ATIC: variants seen among roughly 807,000 people sequenced by gnomAD.
ATIC encodes 5-aminoimidazole-4-carboxamide ribonucleotide formyltransferase/IMP cyclohydrolase.
Under a neutral mutation model 72.5 loss-of-function variants are expected in ATIC, and 64 were observed. The ratio of observed to expected loss-of-function variants is 0.88; its 90% CI spans 0.72 to 1.09. The LOEUF (loss-of-function observed/expected upper bound fraction) is 1.09, where lower values mean the gene tolerates loss of function less well. Among genes scored for constraint, ATIC ranks in the 50% least tolerant of loss-of-function variants. The pLI is 0.00. For synonymous variants in ATIC, 281 were observed against 267.1 expected, an observed-to-expected ratio of 1.05 and a Z score of -0.51; for missense variants, 787 against 732.4, an observed-to-expected ratio of 1.07 and a Z score of -0.86.
chr2:215,325,863 G>C, intron 5 of ATIC, 124 bp from the exon 6 acceptor site: 1 of 1,261,812 alleles, frequency 7.9e-7, no homozygotes, highest in Non-Finnish European at 1.1e-6. Flanking sequence ...ACTGCGCCCA[G>C]CTTATTTTCC....
At chr2:215,332,740 A>G (rs1247499375) in intron 8 of ATIC, among the ~76,000 whole-genome samples, 2 of 152,214 alleles carry the variant, frequency 1.3e-5, no homozygotes, top group African/African-American at 2.4e-5. Flanking sequence ...GTGGAACCAT[A>G]AAAGTTTAGA....
chr2:215,334,233 GC>G (rs2052930401), intron 9 of ATIC, among the ~76,000 whole-genome samples: 2 of 111,000 alleles, frequency 1.8e-5, no homozygotes, highest in South Asian at 6.5e-4. Flanking sequence ...TTGCTCTGTT[GC>G]CCAGGCTGGA....
Position 215,349,753 on chromosome 2 carries a change from T to A in ATIC, c.*98T>A. 2 of 1,594,992 alleles carry A rather than the reference T, an allele frequency of 1.3e-6. No individual in the cohort carries two copies. Among genetic ancestry groups the A allele is most frequent in the Middle Eastern group, 3.4e-4 (2 of 5,970 alleles). On this transcript the variant is annotated 3_prime_UTR_variant, in exon 16 of 16. Transcript: ENST00000236959. ...TTTTAAAAAAATAAAACAGTATCTC[T>A]TAATCACTGGATCCATAGTTTTTGG...
intron 7 of ATIC, among the ~76,000 whole-genome samples, chr2:215,332,131 C>CGT (rs71044585): frequency 0.056 from 8,009 of 142,044 alleles, 416 homozygotes; most frequent in African/African-American, 0.14. Context: ...GTCCTCCAGT[C>CGT]GTGTGTGTGT....
chr2:215,326,768 G>A (rs1478403772), intron 6 of ATIC, 54 bp from the exon 7 acceptor site: 3 of 1,608,574 alleles, frequency 1.9e-6, no homozygotes, highest in East Asian at 2.2e-5. Flanking sequence ...AAACCATCTT[G>A]TCCCCACTTT....
chr2:215,338,677 G>A (rs1395203571), intron 11 of ATIC, 102 bp from the exon 12 acceptor site: 1 of 1,210,868 alleles, frequency 8.3e-7, no homozygotes, highest in African/African-American at 1.6e-5. Flanking sequence ...TTAGAAACAT[G>A]CATATAACTT....
In ATIC at chr2:215,334,930, A is replaced by T. The variant is rs2052938519; in HGVS notation, c.934A>T (p.Met312Leu). ...AYARARGADR[M>L]SSFGDFVALS... Reference sequence around the variant, plus strand: ...AATTTTATTTACAGGGGCTGATAGGATGTCTTCATTTGGTGATTTTGTTGC... The same window carrying T: ...AATTTTATTTACAGGGGCTGATAGGTTGTCTTCATTTGGTGATTTTGTTGC... The change falls in exon 10 of 16, where the codon ATG becomes TTG. Residue 312 changes from methionine (M) to leucine (L), a missense_variant. Transcript: ENST00000236959. 1 of 1,613,264 alleles carries T rather than the reference A, an allele frequency of 6.2e-7. No homozygotes were observed. Among genetic ancestry groups the T allele is most frequent in the African/African-American group, 1.3e-5 (1 of 75,018 alleles).
intron 2 of ATIC, 151 bp downstream of exon 2, chr2:215,312,775 A>T: frequency 3.1e-6 from 4 of 1,303,974 alleles, no homozygotes; most frequent in Non-Finnish European, 4.3e-6. Context: ...GGGGAAAAAA[A>T]GTGAGGCTCA....
chr2:215,367,769 C>A, the ATIC span: 6 of 1,239,006 alleles, frequency 4.8e-6, no homozygotes, highest in Non-Finnish European at 7.1e-6. Flanking sequence ...TTGGAAGAAC[C>A]TGTGTCTTCC....
the ATIC span, among the ~76,000 whole-genome samples, chr2:215,356,339 G>C: frequency 1.3e-5 from 2 of 152,154 alleles, no homozygotes; most frequent in Non-Finnish European, 2.9e-5. Flanking sequence ...TTCCAAATTG[G>C]TAGCCACAAA....
Position 215,346,765 on chromosome 2 carries a change from G to A in ATIC, c.1327G>A (p.Gly443Ser), listed in dbSNP as rs201074610. ...TAATGTCTGTGTTCCTCAGGTTATC[G>A]GCATTGGAGCAGGACAGCAGTCTCG... ...VCYAKNGQVIGIGAGQQSRIH... is the reference protein window; with the variant it reads ...VCYAKNGQVISIGAGQQSRIH... The change falls in exon 14 of 16, where the codon GGC becomes AGC. Residue 443 changes from glycine to serine, a missense_variant. Coordinates refer to ENST00000236959, the MANE Select transcript of ATIC (RefSeq NM_004044.7). The A allele has an allele frequency of 5.2e-5, 84 of 1,613,960 alleles. No homozygotes were observed. Among genetic ancestry groups the A allele is most frequent in the Non-Finnish European group, 1.9e-5 (22 of 1,180,016 alleles).
chr2:215,353,333 C>T (rs1389459631), downstream of ATIC, among the ~76,000 whole-genome samples: 1 of 152,124 alleles, frequency 6.6e-6, no homozygotes, highest in South Asian at 2.1e-4. Context: ...GTTTCTCCCC[C>T]ATCACCCCTA....
At chr2:215,315,648 C>G (rs997668803) in intron 2 of ATIC, among the ~76,000 whole-genome samples, 1 of 152,186 alleles carries the variant, frequency 6.6e-6, no homozygotes, top group South Asian at 2.1e-4. Context: ...ATCCACCATG[C>G]CTGGACAAGG....
chr2:215,342,643 C>T (rs1240044075), intron 12 of ATIC, among the ~76,000 whole-genome samples: 3 of 152,138 alleles, frequency 2.0e-5, no homozygotes, highest in Non-Finnish European at 4.4e-5. Context: ...ATTCATCGTG[C>T]ATTCATGTAC....
At chr2:215,367,741 CTCT>C in the ATIC span, 1 of 950,830 alleles carries the variant, frequency 1.1e-6, no homozygotes, top group Non-Finnish European at 1.7e-6. Flanking sequence ...AAACAGTATT[CTCT>C]TGTTTGCTTC....
chr2:215,363,547 C>T, the ATIC span: 2 of 152,252 alleles, frequency 1.3e-5, no homozygotes, highest in Non-Finnish European at 2.9e-5. Flanking sequence ...AAGACAGGCC[C>T]CTGAACACCC....
Position 215,314,375 on chromosome 2 carries a change from T to A in ATIC, c.146+1751T>A, listed in dbSNP as rs375410672. 5.3e-5 allele frequency among the ~76,000 whole-genome samples: 8 copies of A among 152,346 alleles called. No individual in the cohort carries two copies. In the East Asian group the frequency reaches 1.3e-3, roughly 26 times the overall value. On this transcript the variant is annotated intron_variant, in intron 2 of 15. Transcript: ENST00000236959. ...AGTGGTATTTTACATATATAAACTCTTATAGTCCTTATAACAACTTTTTAG... is the reference window on the plus strand; with the variant it reads ...AGTGGTATTTTACATATATAAACTCATATAGTCCTTATAACAACTTTTTAG...
rs1458086718 is a variant in ATIC at position 215,349,670 on chromosome 2, G to GT, written c.*21dup. On this transcript the variant is annotated 3_prime_UTR_variant, in exon 16 of 16. Coordinates refer to ENST00000236959, the MANE Select transcript of ATIC (RefSeq NM_004044.7). ...TCCACCACTGATTTTACCACACACT[G>GT]TTTTTTGGCTTGCTTATGTGTAGGT... 1 of 1,613,940 alleles carries GT rather than the reference G, an allele frequency of 6.2e-7. No homozygotes were observed. Among genetic ancestry groups the GT allele is most frequent in the Non-Finnish European group, 8.5e-7 (1 of 1,179,986 alleles).
chr2:215,314,481 T>A (rs2052688112), intron 2 of ATIC, among the ~76,000 whole-genome samples: 1 of 152,070 alleles, frequency 6.6e-6, no homozygotes, highest in African/African-American at 2.4e-5. Flanking sequence ...ATTACACAGC[T>A]AGTTAAGAGG....
Sources: allele counts gnomAD v4.1 joint callset (sites outside exome capture counted in the v4.1 genomes callset), GRCh38; gene constraint gnomAD v4.1.1; transcripts MANE v1.5; gene names NCBI Gene and HGNC (gene_info 2026-07-23, HGNC 2026-07-21).